Variants in ADNP observed in about 807,000 individuals in gnomAD.
ADNP encodes activity dependent neuroprotector homeobox.
A neutral mutation model predicts 84.9 loss-of-function variants in ADNP; 4 were observed. That is an observed-to-expected ratio of 0.05 (90% CI 0.02 to 0.11). The LOEUF is 0.11. Among genes scored for constraint, ADNP ranks in the 10% least tolerant of loss-of-function variants. The pLI is 1.00. For synonymous variants in ADNP, 554 were observed against 468.1 expected (o/e 1.18, Z -2.37); for missense variants, 1,132 against 1,326.0 (o/e 0.85, Z 2.27).
intron 5 of ADNP, among the ~76,000 whole-genome samples, chr20:50,899,574 A>C (rs1203879409): frequency 1.3e-5 from 2 of 152,084 alleles, no homozygotes; most frequent in Non-Finnish European, 2.9e-5. Flanking sequence ...AAAAAAAGTT[A>C]ACTCTAAAAC....
chr20:50,930,877 A>AGCG lies in ADNP; in HGVS notation c.-319_-317dup, dbSNP rs1212182734. 3.0e-3 allele frequency: 441 copies of AGCG among 145,360 alleles called. 10 individuals carry two copies. The South Asian group carries it at 0.033, about 11-fold the overall frequency. 9.0% of individuals were successfully genotyped at this position (145,360 alleles called of 1,614,324 possible). ...GGGCCGGCGTGCTCGGGGGCCGGAC[A>AGCG]GCGGCGGCGGCGGCGGGCGGATGGC... is the stretch of plus-strand genomic sequence containing the variant. On this transcript the variant is annotated 5_prime_UTR_variant, in exon 1 of 6. Coordinates refer to ENST00000621696, the MANE Select transcript of ADNP (RefSeq NM_001282531.3).
chr20:50,930,634 CGGTCCGTG>C (rs1358346722), intron 1 of ADNP, among the ~76,000 whole-genome samples, 184 bp downstream of exon 1: 180 of 152,112 alleles, frequency 1.2e-3, no homozygotes, highest in African/African-American at 4.2e-3. Context: ...AGTCGGGTAG[CGGTCCGTG>C]CCGGGACGGG....
chr20:50,909,528 A>G (rs1982838696), intron 2 of ADNP: 1 of 152,168 alleles, frequency 6.6e-6, no homozygotes, highest in Admixed American at 6.5e-5. Flanking sequence ...TTAGACAATC[A>G]TTTTCAGAGC....
chr20:50,923,453 G>C (rs1984086819), intron 2 of ADNP, among the ~76,000 whole-genome samples: 1 of 152,184 alleles, frequency 6.6e-6, no homozygotes, highest in East Asian at 1.9e-4. Context: ...TTTGCCACTT[G>C]ATGGCTCAAG....
intron 3 of ADNP, chr20:50,904,519 A>T (rs1000436601): frequency 2.0e-5 from 3 of 152,924 alleles, no homozygotes; most frequent in Non-Finnish European, 4.4e-5. Flanking sequence ...AGCCGAGCAC[A>T]TATCTACTAT....
At chr20:50,898,794 T>C (rs77165785) in intron 5 of ADNP, among the ~76,000 whole-genome samples, 2,236 of 152,332 alleles carry the variant, frequency 0.015, 55 homozygotes, top group African/African-American at 0.05. Flanking sequence ...ATGAGGCTGC[T>C]ACCAGTTACC....
chr20:50,930,542 G>C (rs74656669), intron 1 of ADNP, among the ~76,000 whole-genome samples: 10,724 of 152,106 alleles, frequency 0.071, 918 homozygotes, highest in African/African-American at 0.2. Flanking sequence ...CGGGCGGCCA[G>C]GCAGAGTGCT....
chr20:50,925,375 A>G (rs952385017), intron 2 of ADNP, among the ~76,000 whole-genome samples: 8 of 152,152 alleles, frequency 5.3e-5, no homozygotes, highest in Non-Finnish European at 7.4e-5. Context: ...GTGAAGCAGA[A>G]TATGAATTCT....
rs747913598 is a variant in ADNP at position 50,894,585 on chromosome 20, G to A, written c.202-73C>T. The A allele has an allele frequency of 1.1e-4, 167 of 1,469,422 alleles. 1 individual carries two copies. Among genetic ancestry groups the A allele is most frequent in the Non-Finnish European group, 1.4e-4 (149 of 1,097,336 alleles). The allele number at this position is 1,469,422 out of a possible 1,614,324, so 91.0% of individuals were successfully genotyped here. On this transcript the variant is annotated intron_variant, in intron 5 of 5. Coordinates refer to ENST00000621696, the MANE Select transcript of ADNP (RefSeq NM_001282531.3). ...AGTTAACAGATTCCAGATCCCCCCC[G>A]GATATTCTTAATAATGCATTGATTT...
chr20:50,927,195 A>G (rs1163827609), intron 2 of ADNP, among the ~76,000 whole-genome samples: 10 of 152,166 alleles, frequency 6.6e-5, no homozygotes. Flanking sequence ...ACTCTGGTAT[A>G]AGGAGAAAAA....
chr20:50,914,365 T>G (rs1468698890), intron 2 of ADNP: 1 of 635,278 alleles, frequency 1.6e-6, no homozygotes, highest in East Asian at 2.8e-5. Flanking sequence ...AAAGGTGCCC[T>G]GGGTTTAGTA....
chr20:50,913,944 T>A (rs565672937), intron 2 of ADNP: 2 of 689,162 alleles, frequency 2.9e-6, no homozygotes, highest in East Asian at 5.3e-5. Flanking sequence ...CTATGCGAGA[T>A]TGGTCTCCTC....
Position 50,889,054 on chromosome 20 carries a change from T to G in ADNP, c.*2351A>C, listed in dbSNP as rs1158015515. 6.6e-6 allele frequency: 1 copy of G among 152,252 alleles called. No individual in the cohort carries two copies. The highest frequency in any genetic ancestry group is 2.4e-5 in the African/African-American group (1 of 41,466). 9.4% of individuals were successfully genotyped at this position (152,252 alleles called of 1,614,324 possible). On this transcript the variant is annotated 3_prime_UTR_variant, in exon 6 of 6. Transcript: ENST00000621696. The stretch of plus-strand genomic sequence containing the variant: ...GCAAACAGTAGCAACAATATTCTTT[T>G]AAAATGGCTTTTATTGAGACACTTG...
At position 50,904,751 on chromosome 20, in the gene ADNP, C is replaced by T. The variant is rs1056030396; in HGVS notation, c.-6+15G>A. ...CATTTTGATGTTGAACATCTGAAAACAGAAAAATGCTTACCAGTTCATCAT... is the reference window on the plus strand; with the variant it reads ...CATTTTGATGTTGAACATCTGAAAATAGAAAAATGCTTACCAGTTCATCAT... On this transcript the variant is annotated intron_variant, in intron 3 of 5. Coordinates refer to ENST00000621696, the MANE Select transcript of ADNP (RefSeq NM_001282531.3). 1.3e-5 allele frequency: 2 copies of T among 152,048 alleles called. No individual in the cohort carries two copies. Among genetic ancestry groups the T allele is most frequent in the Non-Finnish European group, 2.9e-5 (2 of 67,992 alleles). 9.4% of individuals were successfully genotyped at this position (152,048 alleles called of 1,614,324 possible).
At chr20:50,924,429 T>G (rs1369292084) in intron 2 of ADNP, among the ~76,000 whole-genome samples, 1 of 152,192 alleles carries the variant, frequency 6.6e-6, no homozygotes, top group Non-Finnish European at 1.5e-5. Context: ...AGCATTCATG[T>G]GAGCCCCCAT....
At chr20:50,922,146 C>A (rs1184546905) in intron 2 of ADNP, among the ~76,000 whole-genome samples, 1 of 152,188 alleles carries the variant, frequency 6.6e-6, no homozygotes, top group African/African-American at 2.4e-5. Flanking sequence ...TCTGCCCTCA[C>A]ACCACACAGA....
At chr20:50,909,311 C>T (rs1209626561) in intron 2 of ADNP, among the ~76,000 whole-genome samples, 3 of 132,546 alleles carry the variant, frequency 2.3e-5, no homozygotes, top group Admixed American at 8.5e-5. Context: ...TGTGGTGAGC[C>T]GAAATTGCAC....
At chr20:50,902,755 A>G (rs1982112127) in intron 4 of ADNP, among the ~76,000 whole-genome samples, 1 of 152,202 alleles carries the variant, frequency 6.6e-6, no homozygotes, top group Admixed American at 6.5e-5. Flanking sequence ...AAGTCTACAC[A>G]TAAATAATCA....
chr20:50,917,392 C>A (rs139904654), intron 2 of ADNP, among the ~76,000 whole-genome samples: 2 of 152,338 alleles, frequency 1.3e-5, no homozygotes, highest in East Asian at 3.9e-4. Flanking sequence ...CTTACCATCA[C>A]CATGGAGGCC....
Sources: gnomAD v4.1 joint callset for allele counts (sites outside exome capture counted in the v4.1 genomes callset) on GRCh38, gnomAD v4.1.1 for gene constraint, MANE v1.5 for transcripts, NCBI Gene and HGNC (gene_info 2026-07-23, HGNC 2026-07-21) for gene names.